Variants in NSMCE2 observed in about 807,000 individuals in gnomAD.
The protein encoded by NSMCE2 is NSE2 SUMO ligase component of SMC5/6 complex, also known as E3 SUMO-protein ligase NSE2.
Under a neutral mutation model 23.8 loss-of-function variants are expected in NSMCE2, and 24 were observed. That is an observed-to-expected ratio of 1.01 (90% CI 0.73 to 1.42). The LOEUF (loss-of-function observed/expected upper bound fraction) is 1.42, where lower values mean the gene tolerates loss of function less well. NSMCE2 is among the 40% of genes most tolerant of loss of function. The pLI is 0.00. For synonymous variants in NSMCE2, 92 were observed against 94.1 expected (o/e 0.98, Z 0.13); for missense variants, 284 against 296.5 (o/e 0.96, Z 0.31).
intron 3 of NSMCE2, chr8:125,130,353 A>G (rs1037437459): frequency 2.2e-6 from 1 of 446,404 alleles, no homozygotes; most frequent in Non-Finnish European, 4.5e-6. Context: ...TTTACTGGAA[A>G]GGTACTTTTT....
At chr8:125,349,830 A>G (rs1812958683) in intron 5 of NSMCE2, among the ~76,000 whole-genome samples, 1 of 152,178 alleles carries the variant, frequency 6.6e-6, no homozygotes, top group African/African-American at 2.4e-5. Flanking sequence ...GTAATTTTCA[A>G]GCTTATATTT....
At chr8:125,202,807 T>C (rs1301531986) in intron 5 of NSMCE2, among the ~76,000 whole-genome samples, 1 of 152,242 alleles carries the variant, frequency 6.6e-6, no homozygotes, top group African/African-American at 2.4e-5. Flanking sequence ...TTTAATAATT[T>C]TGTTAATGTG....
intron 5 of NSMCE2, among the ~76,000 whole-genome samples, chr8:125,311,076 T>C (rs1419479319): frequency 6.6e-6 from 1 of 152,250 alleles, no homozygotes; most frequent in Non-Finnish European, 1.5e-5. Context: ...CAGTAATTAC[T>C]GCTTTCAAAC....
chr8:125,129,536 A>T (rs1819654399), intron 3 of NSMCE2, among the ~76,000 whole-genome samples: 2 of 137,252 alleles, frequency 1.5e-5, no homozygotes, highest in Admixed American at 7.3e-5. Flanking sequence ...TTAGGAAAAG[A>T]TTTGGCTCTG....
At chr8:125,337,819 T>C (rs530435491) in intron 5 of NSMCE2, among the ~76,000 whole-genome samples, 2 of 139,800 alleles carry the variant, frequency 1.4e-5, no homozygotes, top group African/African-American at 5.3e-5. Flanking sequence ...TGCTTGAACC[T>C]GGGAGGTGGA....
At chr8:125,172,101 GA>G (rs1281937850) in intron 4 of NSMCE2, among the ~76,000 whole-genome samples, 1 of 152,220 alleles carries the variant, frequency 6.6e-6, no homozygotes, top group East Asian at 1.9e-4. Flanking sequence ...GAGTGGTGAA[GA>G]AACTTGCCCA....
chr8:125,152,421 C>T (rs932377549), intron 4 of NSMCE2, among the ~76,000 whole-genome samples: 1 of 152,154 alleles, frequency 6.6e-6, no homozygotes, highest in Admixed American at 6.5e-5. Context: ...TGGAGCAGGA[C>T]TGGGACACTA....
chr8:125,123,897 A>G (rs1229890070), intron 3 of NSMCE2, among the ~76,000 whole-genome samples: 2 of 152,226 alleles, frequency 1.3e-5, no homozygotes, highest in East Asian at 3.8e-4. Flanking sequence ...TGACAATAAC[A>G]ACTTTATTGA....
chr8:125,196,255 A>ACCCTATT (rs1823614170), intron 5 of NSMCE2, among the ~76,000 whole-genome samples: 1 of 146,952 alleles, frequency 6.8e-6, no homozygotes, highest in African/African-American at 2.5e-5. Context: ...CACAACGTGC[A>ACCCTATT]GGTTTGTTAC....
rs1030861447 is a variant in NSMCE2, at chr8:125,257,629, G to C, written c.418+75373G>C. 2.7e-5 allele frequency among the ~76,000 whole-genome samples: 4 copies of C among 146,294 alleles called. No homozygotes were observed. The Admixed American group carries it at 2.8e-4, about 10-fold the overall frequency. On this transcript the variant is annotated intron_variant, in intron 5 of 7. Coordinates refer to ENST00000287437, the MANE Select transcript of NSMCE2 (RefSeq NM_173685.4). Reference sequence around the variant, plus strand: ...GCTCACTGCAAGCTCCGCCTCCCGGGTTCACGCCATTCTCCTGCCTCAGCC... The same window carrying C: ...GCTCACTGCAAGCTCCGCCTCCCGGCTTCACGCCATTCTCCTGCCTCAGCC...
intron 5 of NSMCE2, among the ~76,000 whole-genome samples, chr8:125,330,001 T>C (rs1020230308): frequency 5.3e-5 from 8 of 151,838 alleles, no homozygotes; most frequent in African/African-American, 1.9e-4. Flanking sequence ...CCTAGAATCA[T>C]TGACCCTGAG....
At chr8:125,359,442 T>C (rs1813434218) in intron 7 of NSMCE2, among the ~76,000 whole-genome samples, 1 of 149,594 alleles carries the variant, frequency 6.7e-6, no homozygotes, top group African/African-American at 2.4e-5. Flanking sequence ...CAAGTGATTC[T>C]CCTGCCTCAG....
chr8:125,226,022 A>G (rs1244516818), intron 5 of NSMCE2, among the ~76,000 whole-genome samples: 2 of 152,218 alleles, frequency 1.3e-5, no homozygotes, highest in Non-Finnish European at 2.9e-5. Flanking sequence ...TATAACACTT[A>G]ACAATTATTT....
chr8:125,352,119 A>G (rs889881022), intron 5 of NSMCE2, among the ~76,000 whole-genome samples: 1 of 152,190 alleles, frequency 6.6e-6, no homozygotes, highest in Non-Finnish European at 1.5e-5. Context: ...GAAATAATGT[A>G]TATGACGTGC....
intron 5 of NSMCE2, among the ~76,000 whole-genome samples, chr8:125,300,291 C>T (rs1409922512): frequency 1.3e-5 from 2 of 151,512 alleles, no homozygotes; most frequent in Non-Finnish European, 2.9e-5. Flanking sequence ...ACCTCCACCT[C>T]ACCTCCACCT....
intron 3 of NSMCE2, among the ~76,000 whole-genome samples, chr8:125,146,440 T>A (rs1820677085): frequency 6.6e-6 from 1 of 152,222 alleles, no homozygotes; most frequent in Middle Eastern, 3.2e-3. Context: ...GGGTATAACA[T>A]GCACACATAT....
chr8:125,300,628 C>T (rs1012949089), intron 5 of NSMCE2, among the ~76,000 whole-genome samples: 1 of 152,172 alleles, frequency 6.6e-6, no homozygotes, highest in Non-Finnish European at 1.5e-5. Flanking sequence ...ATGCGAAGAA[C>T]ATCGTCCCTG....
intron 5 of NSMCE2, among the ~76,000 whole-genome samples, chr8:125,326,534 G>T (rs1378284211): frequency 1.3e-5 from 2 of 152,130 alleles, no homozygotes; most frequent in Non-Finnish European, 2.9e-5. Context: ...TTGTTTCTGA[G>T]AATTGGCATT....
intron 5 of NSMCE2, among the ~76,000 whole-genome samples, chr8:125,192,709 C>T (rs1823411611): frequency 6.6e-6 from 1 of 152,066 alleles, no homozygotes; most frequent in African/African-American, 2.4e-5. Context: ...ACAAAAAGGG[C>T]ACAATAATGG....
Sources: allele counts gnomAD v4.1 joint callset (sites outside exome capture counted in the v4.1 genomes callset), GRCh38; gene constraint gnomAD v4.1.1; transcripts MANE v1.5; gene names NCBI Gene and HGNC (gene_info 2026-07-23, HGNC 2026-07-21).